The following ITGA8 variants were observed in gnomAD, a reference collection of about 807,000 sequenced individuals.
ITGA8 encodes integrin alpha-8.
A neutral mutation model predicts 142.3 loss-of-function variants in ITGA8; 91 were observed. The observed-to-expected ratio is 0.64, with a 90% CI of 0.54 to 0.76. ITGA8 has a LOEUF of 0.76. Among genes scored for constraint, ITGA8 ranks in the 30% least tolerant of loss-of-function variants. The pLI, the probability that ITGA8 is intolerant of heterozygous loss-of-function variation, is 0.00. For synonymous variants in ITGA8, 505 were observed against 485.2 expected, an observed-to-expected ratio of 1.04 and a Z score of -0.54; for missense variants, 1,406 against 1,327.7, an observed-to-expected ratio of 1.06 and a Z score of -0.92.
chr10:15,566,445 A>G (rs1834082844), intron 25 of ITGA8, among the ~76,000 whole-genome samples: 1 of 152,110 alleles, frequency 6.6e-6, no homozygotes, highest in African/African-American at 2.4e-5. Flanking sequence ...TCTCCTAGGT[A>G]CGGTTTCACA....
intron 29 of ITGA8, among the ~76,000 whole-genome samples, chr10:15,518,455 A>T (rs997903159): frequency 1.3e-5 from 2 of 152,262 alleles, no homozygotes; most frequent in African/African-American, 4.8e-5. Context: ...ACGATCAGAA[A>T]CGCCATTCCT....
chr10:15,694,430 T>C (rs1835007279), intron 2 of ITGA8, among the ~76,000 whole-genome samples: 1 of 138,142 alleles, frequency 7.2e-6, no homozygotes, highest in African/African-American at 2.6e-5. Flanking sequence ...ATATATCATA[T>C]ATATGATATA....
rs181513995 is a variant in ITGA8 at position 15,552,588 on chromosome 10, G to A, written c.2767-4020C>T. Among the ~76,000 whole-genome samples, 10 of 152,248 alleles carry A rather than the reference G, an allele frequency of 6.6e-5. No homozygotes were observed. In the East Asian group the frequency reaches 1.7e-3, roughly 26 times the overall value. On this transcript the variant is annotated intron_variant, in intron 26 of 29. Transcript: ENST00000378076. Reference sequence around the variant, plus strand: ...CTGGGATACATGTACAGAATGTGCAGGTTTGTTACATAGGTATACATGTGC... The same window carrying A: ...CTGGGATACATGTACAGAATGTGCAAGTTTGTTACATAGGTATACATGTGC...
chr10:15,710,477 A>T (rs1835343247), intron 2 of ITGA8, among the ~76,000 whole-genome samples: 1 of 152,242 alleles, frequency 6.6e-6, no homozygotes, highest in Non-Finnish European at 1.5e-5. Flanking sequence ...TGAAACATGT[A>T]TCCTGGTGGG....
chr10:15,635,875 C>A (rs921360424), intron 13 of ITGA8, among the ~76,000 whole-genome samples: 2 of 149,658 alleles, frequency 1.3e-5, no homozygotes. Flanking sequence ...TTGGATAAAG[C>A]CTCCTTCCAT....
intron 13 of ITGA8, among the ~76,000 whole-genome samples, chr10:15,627,977 T>TC (rs1166897736): frequency 6.6e-6 from 1 of 151,990 alleles, no homozygotes; most frequent in Non-Finnish European, 1.5e-5. Flanking sequence ...TGACCTCTGG[T>TC]CCTGCTCACT....
At chr10:15,690,248 C>T (rs2131711111) in intron 2 of ITGA8, among the ~76,000 whole-genome samples, 1 of 152,308 alleles carries the variant, frequency 6.6e-6, no homozygotes, top group South Asian at 2.1e-4. Flanking sequence ...TCCAGCACTC[C>T]AGGGTTCAAA....
At chr10:15,698,579 T>A (rs1456239982) in intron 2 of ITGA8, among the ~76,000 whole-genome samples, 2 of 152,198 alleles carry the variant, frequency 1.3e-5, no homozygotes, top group African/African-American at 4.8e-5. Context: ...ATCTATTTTT[T>A]TAAAATTTTT....
intron 27 of ITGA8, among the ~76,000 whole-genome samples, chr10:15,538,790 A>T (rs1833507892): frequency 6.6e-6 from 1 of 152,060 alleles, no homozygotes; most frequent in African/African-American, 2.4e-5. Context: ...ATTAAATGAT[A>T]AAAAGACTCA....
At chr10:15,545,841 T>C (rs1833658550) in intron 27 of ITGA8, among the ~76,000 whole-genome samples, 1 of 152,246 alleles carries the variant, frequency 6.6e-6, no homozygotes, top group Non-Finnish European at 1.5e-5. Context: ...TTTATTTACT[T>C]GTGTTCTTTA....
At chr10:15,698,322 T>C (rs983233210) in intron 2 of ITGA8, among the ~76,000 whole-genome samples, 1 of 152,232 alleles carries the variant, frequency 6.6e-6, no homozygotes, top group Non-Finnish European at 1.5e-5. Flanking sequence ...TGATGGGCAT[T>C]TGGGCTGGTT....
At chr10:15,639,039 G>A (rs1226495292) in intron 13 of ITGA8, among the ~76,000 whole-genome samples, 2 of 152,014 alleles carry the variant, frequency 1.3e-5, no homozygotes, top group African/African-American at 4.8e-5. Context: ...TGAGGTAAGA[G>A]GATCGCTAGA....
chr10:15,647,449 GTTTTTTTTTTT>G (rs71505078), intron 11 of ITGA8, among the ~76,000 whole-genome samples: 1 of 91,510 alleles, frequency 1.1e-5, no homozygotes, highest in Non-Finnish European at 2.0e-5. Context: ...AAATTATTCA[GTTTTTTTTTTT>G]TTTTTTTTTT....
chr10:15,561,600 G>C (rs1833982757), intron 25 of ITGA8, among the ~76,000 whole-genome samples: 1 of 152,146 alleles, frequency 6.6e-6, no homozygotes, highest in Admixed American at 6.5e-5. Context: ...ATTTAACAAA[G>C]TTTATAGAAC....
intron 8 of ITGA8, among the ~76,000 whole-genome samples, chr10:15,662,326 CTTT>C (rs200922550): frequency 1.9e-3 from 140 of 72,714 alleles, no homozygotes; most frequent in African/African-American, 8.9e-3. Context: ...TCAGAAGGTC[CTTT>C]TTTTTTTTTT....
chr10:15,551,107 T>C (rs184945899), intron 26 of ITGA8, among the ~76,000 whole-genome samples: 1 of 152,152 alleles, frequency 6.6e-6, no homozygotes, highest in African/African-American at 2.4e-5. Context: ...TGAGAAGTCA[T>C]GGAGACAAGG....
intron 26 of ITGA8, among the ~76,000 whole-genome samples, chr10:15,551,333 T>C (rs945782172): frequency 1.3e-5 from 2 of 151,740 alleles, no homozygotes; most frequent in Non-Finnish European, 1.5e-5. Flanking sequence ...AGAGAAATCT[T>C]AGATGAGAAT....
chr10:15,572,235 A>G lies in ITGA8; in HGVS notation c.2613T>C (p.Pro871=). Residue 871 remains proline, a synonymous_variant, in exon 25 of 30, where the codon CCT becomes CCC. Coordinates refer to ENST00000378076, the MANE Select transcript of ITGA8 (RefSeq NM_003638.3). Reference sequence around the variant, plus strand: ...CCTTTATATCCTGTGGATTGATATTAGGATTTGGTTGGCACTGCAGAGGTC... The same window carrying G: ...CCTTTATATCCTGTGGATTGATATTGGGATTTGGTTGGCACTGCAGAGGTC... ...TLGPLQCQPN[P]NINPQDIKPA... 2.5e-6 allele frequency: 4 copies of G among 1,613,858 alleles called. No individual in the cohort carries two copies. Among genetic ancestry groups the G allele is most frequent in the Non-Finnish European group, 3.4e-6 (4 of 1,179,776 alleles).
At chr10:15,566,943 AG>A (rs1171260380) in intron 25 of ITGA8, among the ~76,000 whole-genome samples, 1 of 147,388 alleles carries the variant, frequency 6.8e-6, no homozygotes. Context: ...AGATCACCTG[AG>A]GTCAAGGGTT....
Sources: gnomAD v4.1 joint callset for allele counts (sites outside exome capture counted in the v4.1 genomes callset) on GRCh38, gnomAD v4.1.1 for gene constraint, MANE v1.5 for transcripts, NCBI Gene and HGNC (gene_info 2026-07-23, HGNC 2026-07-21) for gene names.